VPS36: variants seen among roughly 807,000 people sequenced by gnomAD.
The protein encoded by VPS36 is vacuolar protein sorting 36 homolog, also known as vacuolar protein-sorting-associated protein 36.
VPS36 carries 31 observed loss-of-function variants against 63.5 expected under a neutral mutation model. The ratio of observed to expected loss-of-function variants is 0.49; its 90% CI spans 0.37 to 0.66. VPS36 has a LOEUF of 0.66. Ranked by LOEUF, VPS36 falls within the 30% of genes least tolerant of loss-of-function variation. The probability of loss-of-function intolerance (pLI) is 0.00; values close to 1 mark genes in which losing one functional copy is unlikely to be tolerated. For synonymous variants in VPS36, 138 were observed against 157.2 expected, an observed-to-expected ratio of 0.88 and a Z score of 0.91; for missense variants, 338 against 463.7, an observed-to-expected ratio of 0.73 and a Z score of 2.49.
rs572367104 is a variant in VPS36, at chr13:52,430,631, C to CAA, written c.528+3029_528+3030dup. Among the ~76,000 whole-genome samples the CAA allele has an allele frequency of 8.3e-3, 1,026 of 123,566 alleles. 3 individuals carry two copies. Among genetic ancestry groups the CAA allele is most frequent in the African/African-American group, 0.019 (637 of 33,334 alleles). The allele number at this position is 123,566 out of a possible 152,430, so 81.1% of individuals were successfully genotyped here. On this transcript the variant is annotated intron_variant, in intron 6 of 13. Transcript: ENST00000378060. ...TGGGCAACAGAGCAAGACTCCATCTCAAAAAAAAAAAAAGTAAGTTATAAT... is the reference window on the plus strand; with the variant it reads ...TGGGCAACAGAGCAAGACTCCATCTCAAAAAAAAAAAAAAAGTAAGTTATAAT...
chr13:52,441,733 A>G lies in VPS36; in HGVS notation c.165+644T>C, dbSNP rs1407265918. 2.6e-5 allele frequency among the ~76,000 whole-genome samples: 4 copies of G among 151,422 alleles called. No individual in the cohort carries two copies. The East Asian group carries it at 7.9e-4, about 30-fold the overall frequency. On this transcript the variant is annotated intron_variant, in intron 2 of 13. Transcript: ENST00000378060. ...CGCCACTGCACTCCAGCCTGGGCGA[A>G]AGAGCGAGACTCCATCTCAAAAAAA... is the stretch of plus-strand genomic sequence containing the variant.
intron 4 of VPS36, 124 bp from the exon 5 acceptor site, chr13:52,435,006 T>C (rs1566087651): frequency 2.2e-6 from 2 of 927,784 alleles, no homozygotes; most frequent in Non-Finnish European, 3.1e-6. Context: ...AGTTTTGTTC[T>C]TGTTGCCCAG....
chr13:52,442,454 A>G lies in VPS36; in HGVS notation c.97-9T>C. 6.2e-7 allele frequency: 1 copy of G among 1,609,254 alleles called. No individual in the cohort carries two copies. Among genetic ancestry groups the G allele is most frequent in the South Asian group, 1.1e-5 (1 of 89,944 alleles). On this transcript the variant is annotated splice_polypyrimidine_tract_variant and intron_variant, in intron 1 of 13. Coordinates refer to ENST00000378060, the MANE Select transcript of VPS36 (RefSeq NM_016075.4). ...CCAGCATCAAATTTTATCTAGAAAGAAAGAGCATCACAAAATATTAATAAC... is the reference window on the plus strand; with the variant it reads ...CCAGCATCAAATTTTATCTAGAAAGGAAGAGCATCACAAAATATTAATAAC...
intron 3 of VPS36, among the ~76,000 whole-genome samples, chr13:52,437,547 G>C (rs533541261): frequency 2.0e-5 from 3 of 152,078 alleles, no homozygotes; most frequent in Non-Finnish European, 4.4e-5. Flanking sequence ...AAGTTTAAAA[G>C]CTCCACAGTA....
chr13:52,430,651 TATA>T (rs1958145794), intron 6 of VPS36, among the ~76,000 whole-genome samples: 2 of 151,546 alleles, frequency 1.3e-5, no homozygotes. Context: ...AAAAGTAAGT[TATA>T]ATGCAGAAAA....
intron 12 of VPS36, 58 bp downstream of exon 12, chr13:52,416,999 T>A: frequency 6.9e-7 from 1 of 1,441,744 alleles, no homozygotes; most frequent in East Asian, 2.3e-5. Context: ...TTTGAGTTGC[T>A]AAGCCTTCGG....
chr13:52,430,631 CA>C (rs572367104), intron 6 of VPS36, among the ~76,000 whole-genome samples: 206 of 123,394 alleles, frequency 1.7e-3, no homozygotes, highest in Admixed American at 1.7e-3. Flanking sequence ...GACTCCATCT[CA>C]AAAAAAAAAA....
At chr13:52,430,247 A>G (rs1434340825) in intron 6 of VPS36, among the ~76,000 whole-genome samples, 1 of 152,234 alleles carries the variant, frequency 6.6e-6, no homozygotes, top group Non-Finnish European at 1.5e-5. Flanking sequence ...AAAGAAATGA[A>G]AAGCATTAGA....
At chr13:52,428,513 C>T (rs193127553) in intron 6 of VPS36, among the ~76,000 whole-genome samples, 4 of 152,316 alleles carry the variant, frequency 2.6e-5, no homozygotes, top group Admixed American at 2.6e-4. Context: ...ACACACCTAA[C>T]AGGAATTTCC....
At chr13:52,416,971 C>T in intron 12 of VPS36, 86 bp downstream of exon 12, 1 of 1,151,742 alleles carries the variant, frequency 8.7e-7, no homozygotes. Context: ...AAGTTAAATT[C>T]AAAAGGAAAT....
rs1050587738 is a variant in VPS36, at chr13:52,427,467, C to T, written c.529-248G>A. ...AAAAATACAAAAAAAATTAGCCGGG[C>T]GTGGTGGCGGGCGCCTGTAGTCCCA... On this transcript the variant is annotated intron_variant, in intron 6 of 13. Coordinates refer to ENST00000378060, the MANE Select transcript of VPS36 (RefSeq NM_016075.4). 2.0e-4 allele frequency among the ~76,000 whole-genome samples: 31 copies of T among 152,168 alleles called. No individual in the cohort carries two copies. The East Asian group carries it at 4.6e-3, about 23-fold the overall frequency.
chr13:52,418,965 C>T (rs1419815569), intron 10 of VPS36, among the ~76,000 whole-genome samples: 1 of 152,210 alleles, frequency 6.6e-6, no homozygotes, highest in Non-Finnish European at 1.5e-5. Flanking sequence ...TGTGGCCTTG[C>T]TCAAGTTATT....
chr13:52,443,757 G>A (rs538969530), intron 1 of VPS36, among the ~76,000 whole-genome samples: 6 of 152,258 alleles, frequency 3.9e-5, no homozygotes, highest in African/African-American at 1.4e-4. Flanking sequence ...AATGCCAGCT[G>A]GGTCTTCAGG....
chr13:52,435,273 T>G (rs993546221), intron 4 of VPS36, among the ~76,000 whole-genome samples: 3 of 152,044 alleles, frequency 2.0e-5, no homozygotes, highest in Non-Finnish European at 4.4e-5. Context: ...GCCCGGCCAC[T>G]TAACATTTCT....
chr13:52,437,857 G>A (rs1040288521), intron 3 of VPS36, among the ~76,000 whole-genome samples: 3 of 151,990 alleles, frequency 2.0e-5, no homozygotes, highest in Non-Finnish European at 2.9e-5. Context: ...GTGAACCTGG[G>A]AGGCGGAGCT....
intron 2 of VPS36, among the ~76,000 whole-genome samples, chr13:52,439,726 G>A (rs751135084): frequency 4.9e-4 from 74 of 151,886 alleles, no homozygotes; most frequent in Admixed American, 3.3e-4. Flanking sequence ...GATTACAGGC[G>A]TGAGCCACCG....
intron 9 of VPS36, among the ~76,000 whole-genome samples, chr13:52,425,158 C>T (rs1321527090): frequency 6.8e-6 from 1 of 148,026 alleles, no homozygotes. Context: ...GAGGCTGAGG[C>T]AGGAGAATGG....
At chr13:52,431,530 C>T (rs1249599636) in intron 6 of VPS36, among the ~76,000 whole-genome samples, 5 of 151,620 alleles carry the variant, frequency 3.3e-5, no homozygotes, top group African/African-American at 9.7e-5. Context: ...TTTGGGAGGC[C>T]GAGGCAGGCG....
intron 1 of VPS36, 22 bp from the exon 2 acceptor site, chr13:52,442,467 AAATATT>A: frequency 1.3e-6 from 2 of 1,599,150 alleles, no homozygotes; most frequent in Non-Finnish European, 1.7e-6. Context: ...GAGCATCACA[AAATATT>A]AATAACATAT....
Sources: gnomAD v4.1 joint callset for allele counts (sites outside exome capture counted in the v4.1 genomes callset) on GRCh38, gnomAD v4.1.1 for gene constraint, MANE v1.5 for transcripts, NCBI Gene and HGNC (gene_info 2026-07-23, HGNC 2026-07-21) for gene names.